TENM2: variants seen among roughly 807,000 people sequenced by gnomAD.
TENM2 encodes the protein teneurin transmembrane protein 2.
Under a neutral mutation model 245.2 loss-of-function variants are expected in TENM2, and 52 were observed. That is an observed-to-expected ratio of 0.21 (90% CI 0.17 to 0.27). The LOEUF is 0.27. TENM2 is among the 10% of genes least tolerant of loss of function. TENM2 has a pLI of 1.00. For missense variants in TENM2, 3,046 were observed against 3,666.8 expected (o/e 0.83, Z 4.37); for synonymous variants, 1,363 against 1,438.9 (o/e 0.95, Z 1.19).
In TENM2 at chr5:167,478,681, C is replaced by G. The variant is rs571304930; in HGVS notation, c.502+103208C>G. On this transcript the variant is annotated intron_variant, in intron 2 of 28. Coordinates refer to ENST00000518659, the Ensembl canonical transcript of TENM2. Reference sequence around the variant, plus strand: ...GGCATGGCCACTGTTTTAAATAGCACAAAAGAAAAGTTATGTCTCACTACA... The same window carrying G: ...GGCATGGCCACTGTTTTAAATAGCAGAAAAGAAAAGTTATGTCTCACTACA... 2.0e-5 allele frequency among the ~76,000 whole-genome samples: 3 copies of G among 152,248 alleles called. No homozygotes were observed. In the South Asian group the frequency reaches 6.2e-4, roughly 32 times the overall value.
chr5:167,764,237 T>A (rs1006649817), intron 2 of TENM2, among the ~76,000 whole-genome samples: 2 of 152,192 alleles, frequency 1.3e-5, no homozygotes, highest in African/African-American at 4.8e-5. Flanking sequence ...CCATTCTTTA[T>A]GTCCTAGTCC....
At chr5:168,073,655 T>A (rs890106467) in intron 7 of TENM2, among the ~76,000 whole-genome samples, 39 of 152,214 alleles carry the variant, frequency 2.6e-4, no homozygotes, top group Non-Finnish European at 4.4e-5. Context: ...ACATGTTACA[T>A]AAAAGCCCTC....
At chr5:167,573,924 G>A (rs1027463495) in intron 2 of TENM2, 12 of 152,162 alleles carry the variant, frequency 7.9e-5, no homozygotes, top group South Asian at 4.1e-4. Flanking sequence ...AAAAAGGCGG[G>A]GGGTGGACTT....
chr5:167,177,962 C>G, the TENM2 span, among the ~76,000 whole-genome samples: 1 of 152,160 alleles, frequency 6.6e-6, no homozygotes, highest in East Asian at 1.9e-4. Context: ...CAGCTGCCAC[C>G]TATTAACATG....
the TENM2 span, among the ~76,000 whole-genome samples, chr5:167,260,186 A>T: frequency 6.7e-4 from 102 of 152,306 alleles, no homozygotes; most frequent in Admixed American, 2.3e-3. Flanking sequence ...AATCATTAAA[A>T]CATGCTTAGC....
At chr5:167,566,513 C>T (rs1226484294) in intron 2 of TENM2, among the ~76,000 whole-genome samples, 1 of 152,086 alleles carries the variant, frequency 6.6e-6, no homozygotes, top group East Asian at 1.9e-4. Flanking sequence ...TTGTGAATTG[C>T]TTTTGTGATT....
chr5:167,880,788 A>C (rs1007543105), intron 3 of TENM2, among the ~76,000 whole-genome samples: 2 of 152,238 alleles, frequency 1.3e-5, no homozygotes, highest in Non-Finnish European at 2.9e-5. Flanking sequence ...GCAAAACTTG[A>C]CTTGATCAAT....
chr5:168,261,414 C>T (rs1488561849), intron 28 of TENM2, among the ~76,000 whole-genome samples: 2 of 152,182 alleles, frequency 1.3e-5, no homozygotes, highest in East Asian at 3.8e-4. Flanking sequence ...CACAGATCAC[C>T]CAAGGCATCT....
intron 12 of TENM2, among the ~76,000 whole-genome samples, chr5:168,139,178 G>A (rs937708296): frequency 1.3e-5 from 2 of 152,196 alleles, no homozygotes; most frequent in African/African-American, 4.8e-5. Flanking sequence ...ATATCAAACT[G>A]TATGGATACA....
At chr5:168,236,827 C>T (rs945415794) in intron 25 of TENM2, among the ~76,000 whole-genome samples, 9 of 148,178 alleles carry the variant, frequency 6.1e-5, no homozygotes, top group African/African-American at 2.2e-4. Context: ...TGAAAATCTG[C>T]TCCCTCCCAC....
chr5:168,241,783 A>C (rs1174039429), intron 25 of TENM2, among the ~76,000 whole-genome samples: 3 of 152,214 alleles, frequency 2.0e-5, no homozygotes, highest in African/African-American at 7.2e-5. Context: ...TAAAGTACCT[A>C]GCATAGCACC....
the TENM2 span, among the ~76,000 whole-genome samples, chr5:167,251,120 T>C: frequency 6.6e-6 from 1 of 152,122 alleles, no homozygotes; most frequent in Non-Finnish European, 1.5e-5. Context: ...CTTTATATTC[T>C]GAATACATTC....
At chr5:168,093,670 G>A (rs1793136474) in intron 8 of TENM2, among the ~76,000 whole-genome samples, 1 of 152,186 alleles carries the variant, frequency 6.6e-6, no homozygotes, top group South Asian at 2.1e-4. Flanking sequence ...CAGCTTTCTG[G>A]AAGCACGATG....
intron 2 of TENM2, among the ~76,000 whole-genome samples, chr5:167,391,601 G>T (rs1204148780): frequency 2.9e-5 from 4 of 136,690 alleles, no homozygotes; most frequent in African/African-American, 1.1e-4. Flanking sequence ...CTCCAGACTG[G>T]GAAACAGAGC....
chr5:167,295,811 C>T (rs141916896), intron 1 of TENM2, among the ~76,000 whole-genome samples: 1 of 152,160 alleles, frequency 6.6e-6, no homozygotes, highest in Non-Finnish European at 1.5e-5. Context: ...AACTCTCTCA[C>T]ACCACCAAGT....
At chr5:168,198,188 CTTTTTT>C (rs35539116) in intron 15 of TENM2, among the ~76,000 whole-genome samples, 22 of 95,848 alleles carry the variant, frequency 2.3e-4, no homozygotes, top group African/African-American at 9.9e-4. Flanking sequence ...CCAATGAACC[CTTTTTT>C]TTTTTTTTTT....
chr5:167,276,948 G>C, the TENM2 span, among the ~76,000 whole-genome samples: 13 of 152,136 alleles, frequency 8.5e-5, no homozygotes, highest in East Asian at 2.3e-3. Flanking sequence ...TGTCTTCAGG[G>C]CCTGTAATGA....
chr5:167,825,928 C>A (rs1181445866), intron 2 of TENM2, among the ~76,000 whole-genome samples: 1 of 152,008 alleles, frequency 6.6e-6, no homozygotes, highest in African/African-American at 2.4e-5. Flanking sequence ...CAGACCATTC[C>A]CACATTCTGG....
At chr5:167,671,786 T>C (rs1403804155) in intron 2 of TENM2, among the ~76,000 whole-genome samples, 2 of 150,346 alleles carry the variant, frequency 1.3e-5, no homozygotes, top group Non-Finnish European at 3.0e-5. Flanking sequence ...TATATTTATA[T>C]ATCTCCAGAA....
Sources: gnomAD v4.1 joint callset for allele counts (sites outside exome capture counted in the v4.1 genomes callset) on GRCh38, gnomAD v4.1.1 for gene constraint, MANE v1.5 for transcripts, NCBI Gene and HGNC (gene_info 2026-07-23, HGNC 2026-07-21) for gene names.